The following LRP5 variants were observed in gnomAD, a reference collection of about 807,000 sequenced individuals.
LRP5 encodes the protein low-density lipoprotein receptor-related protein 5.
Under a neutral mutation model 154.1 loss-of-function variants are expected in LRP5, and 62 were observed. The observed-to-expected ratio is 0.40, with a 90% CI of 0.33 to 0.50. LRP5 has a LOEUF of 0.50. Ranked by LOEUF, LRP5 falls within the 20% of genes least tolerant of loss-of-function variation. LRP5 has a pLI of 0.55. For synonymous variants in LRP5, 966 were observed against 1,011.5 expected, an observed-to-expected ratio of 0.96 and a Z score of 0.85; for missense variants, 1,915 against 2,336.7, an observed-to-expected ratio of 0.82 and a Z score of 3.72.
At chr11:68,437,446 G>A (rs1170336570) in intron 19 of LRP5, among the ~76,000 whole-genome samples, 1 of 152,224 alleles carries the variant, frequency 6.6e-6, no homozygotes, top group Non-Finnish European at 1.5e-5. Context: ...AGCATGACCT[G>A]TACAGTCACG....
At chr11:68,363,589 G>A (rs559733202) in intron 3 of LRP5, among the ~76,000 whole-genome samples, 158 bp from the exon 4 acceptor site, 4 of 151,894 alleles carry the variant, frequency 2.6e-5, no homozygotes, top group South Asian at 2.1e-4. Context: ...CCCGGGAGGC[G>A]GAGGTTGCAG....
intron 7 of LRP5, among the ~76,000 whole-genome samples, chr11:68,396,390 G>A (rs72934409): frequency 0.016 from 2,457 of 152,258 alleles, 39 homozygotes; most frequent in Non-Finnish European, 0.024. Flanking sequence ...GGTGGTGTGC[G>A]CAGCTGGGCT....
chr11:68,317,592 C>T (rs1164361723), intron 1 of LRP5, among the ~76,000 whole-genome samples: 1 of 152,158 alleles, frequency 6.6e-6, no homozygotes, highest in Non-Finnish European at 1.5e-5. Flanking sequence ...GTCCCTAAGC[C>T]ATGCAGAGGC....
At chr11:68,395,747 C>T (rs573978927) in intron 7 of LRP5, among the ~76,000 whole-genome samples, 3 of 152,282 alleles carry the variant, frequency 2.0e-5, no homozygotes, top group South Asian at 2.1e-4. Context: ...GACTTAGCCT[C>T]GAGATTGCTG....
chr11:68,395,249 C>T (rs1205242511), intron 7 of LRP5, among the ~76,000 whole-genome samples: 7 of 146,870 alleles, frequency 4.8e-5, no homozygotes, highest in African/African-American at 1.0e-4. Context: ...TGCAGTGAGC[C>T]GAGATCCCGC....
intron 13 of LRP5, among the ~76,000 whole-genome samples, chr11:68,421,181 C>T (rs376932211): frequency 2.0e-5 from 3 of 152,212 alleles, no homozygotes; most frequent in Admixed American, 1.3e-4. Flanking sequence ...GAGCCGAGAT[C>T]GCTTCACTGC....
chr11:68,421,002 G>A lies in LRP5; in HGVS notation c.3028-2487G>A, dbSNP rs561984024. On this transcript the variant is annotated intron_variant, in intron 13 of 22. Coordinates refer to ENST00000294304, the MANE Select transcript of LRP5 (RefSeq NM_002335.4). ...AGCACTTTGGGAGGCCAGGGCGGGC[G>A]GATCATGAGGTCAGGAGATCAAGAC... Among the ~76,000 whole-genome samples, 24 of 152,216 alleles carry A rather than the reference G, an allele frequency of 1.6e-4. No individual in the cohort carries two copies. In the South Asian group the frequency reaches 3.3e-3, roughly 21 times the overall value.
At chr11:68,331,992 C>A (rs144919309) in intron 1 of LRP5, among the ~76,000 whole-genome samples, 5 of 152,020 alleles carry the variant, frequency 3.3e-5, no homozygotes, top group Non-Finnish European at 7.4e-5. Context: ...GGGGGCCAAG[C>A]TGGAAGAGGT....
intron 7 of LRP5, among the ~76,000 whole-genome samples, chr11:68,393,707 G>C (rs903072524): frequency 2.0e-5 from 3 of 152,170 alleles, no homozygotes; most frequent in Non-Finnish European, 4.4e-5. Flanking sequence ...CTTGAACCCG[G>C]GAGGCAGAGG....
chr11:68,410,512 G>A (rs921450325), intron 10 of LRP5, among the ~76,000 whole-genome samples: 1 of 152,190 alleles, frequency 6.6e-6, no homozygotes, highest in Admixed American at 6.5e-5. Context: ...GGGCCAGGAA[G>A]TGCTGTCTCA....
chr11:68,442,412 A>T (rs564262509), intron 21 of LRP5, among the ~76,000 whole-genome samples: 2 of 152,128 alleles, frequency 1.3e-5, no homozygotes, highest in Non-Finnish European at 2.9e-5. Context: ...AGTAGCTCAG[A>T]TGGCAGGTGT....
At chr11:68,343,100 G>A (rs1249528648) in intron 1 of LRP5, among the ~76,000 whole-genome samples, 1 of 152,360 alleles carries the variant, frequency 6.6e-6, no homozygotes, top group East Asian at 1.9e-4. Context: ...GGATCCTCCA[G>A]CATCAGAGAC....
In LRP5 at chr11:68,413,159, G is replaced by A; in HGVS notation, c.2504-530G>A. ...CAGGCGAGAAACCAGTCACCGCACA[G>A]CTGTGGTTGCCTGAAATGATTAAGC... On this transcript the variant is annotated intron_variant, in intron 11 of 22. Coordinates refer to ENST00000294304, the MANE Select transcript of LRP5 (RefSeq NM_002335.4). This position sits in a 1 kb window ranked among gnomAD's most constrained non-coding sequence, Gnocchi z 5.1. 4.6e-6 allele frequency: 1 copy of A among 219,326 alleles called. No individual in the cohort carries two copies. The highest frequency in any genetic ancestry group is 9.3e-6 in the Non-Finnish European group (1 of 108,066). The allele number at this position is 219,326 out of a possible 1,614,324, so 13.6% of individuals were successfully genotyped here. A position where few individuals can be genotyped will look rare whatever the true frequency, so the allele number is the denominator to read the frequency against.
At chr11:68,372,587 G>A (rs1400808816) in intron 5 of LRP5, among the ~76,000 whole-genome samples, 3 of 152,132 alleles carry the variant, frequency 2.0e-5, no homozygotes, top group Non-Finnish European at 4.4e-5. Context: ...TAACCTCTCT[G>A]TGCTTCAGTT....
At chr11:68,327,180 C>A (rs1303809688) in intron 1 of LRP5, among the ~76,000 whole-genome samples, 1 of 152,236 alleles carries the variant, frequency 6.6e-6, no homozygotes, top group Non-Finnish European at 1.5e-5. Flanking sequence ...CCCTCCAAAG[C>A]CAAGTCCTCC....
At chr11:68,327,526 G>A (rs186676247) in intron 1 of LRP5, among the ~76,000 whole-genome samples, 4 of 152,342 alleles carry the variant, frequency 2.6e-5, no homozygotes, top group African/African-American at 9.6e-5. Flanking sequence ...AACTCTTGCA[G>A]AAAGAACCTG....
At chr11:68,383,233 A>G (rs1371603053) in intron 5 of LRP5, among the ~76,000 whole-genome samples, 1 of 152,026 alleles carries the variant, frequency 6.6e-6, no homozygotes, top group African/African-American at 2.4e-5. Context: ...ACAGGCTTGG[A>G]ATGTGTTTTG....
intron 17 of LRP5, among the ~76,000 whole-genome samples, chr11:68,433,239 T>G (rs1485347111): frequency 6.6e-6 from 1 of 152,222 alleles, no homozygotes; most frequent in East Asian, 1.9e-4. Flanking sequence ...GAGGAAGGAC[T>G]GCTCCAGTCA....
At chr11:68,299,354 G>A in the LRP5 span, among the ~76,000 whole-genome samples, 1 of 152,202 alleles carries the variant, frequency 6.6e-6, no homozygotes, top group African/African-American at 2.4e-5. Flanking sequence ...AGGGGACAAA[G>A]GAGGGGCCCA....
Sources: allele counts gnomAD v4.1 joint callset (sites outside exome capture counted in the v4.1 genomes callset), GRCh38; gene constraint gnomAD v4.1.1; non-coding constraint Gnocchi (gnomAD v3.1); transcripts MANE v1.5; gene names NCBI Gene and HGNC (gene_info 2026-07-23, HGNC 2026-07-21).